ZSWIM6: variants seen among roughly 807,000 people sequenced by gnomAD.
ZSWIM6 encodes the protein zinc finger SWIM-type containing 6, also known as zinc finger SWIM domain-containing protein 6.
A neutral mutation model predicts 113.2 loss-of-function variants in ZSWIM6; 9 were observed. The observed-to-expected ratio is 0.08, with a 90% CI of 0.05 to 0.14. ZSWIM6 has a LOEUF of 0.14. Ranked by LOEUF, ZSWIM6 falls within the 10% of genes least tolerant of loss-of-function variation. ZSWIM6 has a pLI of 1.00. For synonymous variants in ZSWIM6, 611 were observed against 606.5 expected (o/e 1.01, Z -0.11); for missense variants, 1,162 against 1,552.2 (o/e 0.75, Z 4.22).
At chr5:61,518,736 G>A (rs1477564664) in intron 4 of ZSWIM6, among the ~76,000 whole-genome samples, 1 of 152,010 alleles carries the variant, frequency 6.6e-6, no homozygotes, top group Non-Finnish European at 1.5e-5. Context: ...CATTTTGTAG[G>A]TTGCCTGTTC....
At chr5:61,374,383 T>C (rs561075252) in intron 1 of ZSWIM6, among the ~76,000 whole-genome samples, 2 of 152,306 alleles carry the variant, frequency 1.3e-5, no homozygotes, top group African/African-American at 2.4e-5. Flanking sequence ...ATTTTTCATA[T>C]AGCCCTTCTG....
At chr5:61,477,221 C>A (rs1027461005) in intron 2 of ZSWIM6, among the ~76,000 whole-genome samples, 7 of 152,144 alleles carry the variant, frequency 4.6e-5, no homozygotes, top group Non-Finnish European at 1.0e-4. Context: ...GCCTTGACCC[C>A]AACCTAGAAT....
intron 2 of ZSWIM6, among the ~76,000 whole-genome samples, chr5:61,480,311 C>G (rs1443781107): frequency 6.6e-6 from 1 of 152,072 alleles, no homozygotes; most frequent in Non-Finnish European, 1.5e-5. Flanking sequence ...AGAGGAGGGG[C>G]CATAAACCCT....
chr5:61,417,072 G>T (rs1302580789), intron 1 of ZSWIM6, among the ~76,000 whole-genome samples: 1 of 152,136 alleles, frequency 6.6e-6, no homozygotes, highest in African/African-American at 2.4e-5. Flanking sequence ...AACCCGGGAG[G>T]TGGAGGTTGC....
rs536868244 is a variant in ZSWIM6 at position 61,437,315 on chromosome 5, G to A, written c.677-35366G>A. 2.6e-5 allele frequency among the ~76,000 whole-genome samples: 4 copies of A among 152,224 alleles called. No homozygotes were observed. In the East Asian group the frequency reaches 7.7e-4, roughly 29 times the overall value. On this transcript the variant is annotated intron_variant, in intron 1 of 13. Transcript: ENST00000252744. ...CTGAATTTTTAGGCCTCGTGTTTTGGACATGTGAGTACAAGCCAGTGGTAC... is the reference window on the plus strand; with the variant it reads ...CTGAATTTTTAGGCCTCGTGTTTTGAACATGTGAGTACAAGCCAGTGGTAC...
chr5:61,531,285 A>C (rs1269419134), intron 8 of ZSWIM6, among the ~76,000 whole-genome samples, 180 bp from the exon 9 acceptor site: 1 of 152,202 alleles, frequency 6.6e-6, no homozygotes, highest in Non-Finnish European at 1.5e-5. Context: ...TTAATCATTC[A>C]TGGTCATTTT....
chr5:61,346,808 G>A (rs1001967820), intron 1 of ZSWIM6, among the ~76,000 whole-genome samples: 1 of 152,118 alleles, frequency 6.6e-6, no homozygotes, highest in Non-Finnish European at 1.5e-5. Flanking sequence ...TAAATAGCAG[G>A]AAATTCCAAA....
chr5:61,423,653 CTG>C (rs926477313), intron 1 of ZSWIM6, among the ~76,000 whole-genome samples: 2 of 152,128 alleles, frequency 1.3e-5, no homozygotes, highest in Non-Finnish European at 2.9e-5. Context: ...GGTAAGTTCA[CTG>C]TGTTTATTCC....
At chr5:61,431,302 G>A (rs977654729) in intron 1 of ZSWIM6, among the ~76,000 whole-genome samples, 1 of 146,752 alleles carries the variant, frequency 6.8e-6, no homozygotes, top group Non-Finnish European at 1.5e-5. Flanking sequence ...GAATCTGGGA[G>A]GCAGAGGTTG....
intron 7 of ZSWIM6, among the ~76,000 whole-genome samples, chr5:61,527,794 A>G (rs2112271592): frequency 6.6e-6 from 1 of 152,354 alleles, no homozygotes; most frequent in East Asian, 1.9e-4. Flanking sequence ...ATCATATTAT[A>G]CATTTTATGA....
intron 1 of ZSWIM6, among the ~76,000 whole-genome samples, chr5:61,363,824 C>G (rs1745081430): frequency 1.3e-5 from 2 of 150,864 alleles, no homozygotes; most frequent in South Asian, 4.2e-4. Flanking sequence ...TAGTTTGTTT[C>G]CTTCCTTCCT....
intron 1 of ZSWIM6, among the ~76,000 whole-genome samples, chr5:61,337,300 C>CA (rs1051639777): frequency 4.0e-5 from 6 of 151,206 alleles, no homozygotes; most frequent in South Asian, 2.1e-4. Flanking sequence ...AAAACAAAAA[C>CA]AAAAAAAACG....
intron 2 of ZSWIM6, among the ~76,000 whole-genome samples, chr5:61,481,677 T>C (rs1043713805): frequency 4.6e-5 from 7 of 151,950 alleles, no homozygotes; most frequent in Non-Finnish European, 8.8e-5. Context: ...AATCAAGCAG[T>C]AGACAGGGGA....
intron 1 of ZSWIM6, among the ~76,000 whole-genome samples, chr5:61,460,875 ATTAT>A (rs1384532868): frequency 2.0e-5 from 3 of 151,946 alleles, no homozygotes; most frequent in South Asian, 4.1e-4. Flanking sequence ...ATGTTTCTAT[ATTAT>A]TTATTCTATA....
intron 1 of ZSWIM6, among the ~76,000 whole-genome samples, chr5:61,441,075 AGAG>A (rs1746822352): frequency 1.3e-5 from 2 of 152,180 alleles, no homozygotes; most frequent in South Asian, 2.1e-4. Context: ...ACTTACAGAG[AGAG>A]GAGAAGGGGC....
chr5:61,354,812 TTA>T (rs1744865497), intron 1 of ZSWIM6, among the ~76,000 whole-genome samples: 1 of 152,208 alleles, frequency 6.6e-6, no homozygotes, highest in Non-Finnish European at 1.5e-5. Context: ...ATTTTATGAC[TTA>T]TAGTCTGCCT....
chr5:61,483,310 A>G (rs1192687202), intron 2 of ZSWIM6, among the ~76,000 whole-genome samples: 1 of 152,194 alleles, frequency 6.6e-6, no homozygotes, highest in African/African-American at 2.4e-5. Context: ...GAATGGATTA[A>G]TACATTCACC....
intron 1 of ZSWIM6, among the ~76,000 whole-genome samples, chr5:61,335,122 T>C (rs929551956): frequency 2.0e-5 from 3 of 152,098 alleles, no homozygotes; most frequent in African/African-American, 7.2e-5. Context: ...CCTGGGTGAG[T>C]AGTTGTAAAA....
At chr5:61,455,809 C>A (rs1368767428) in intron 1 of ZSWIM6, among the ~76,000 whole-genome samples, 1 of 147,584 alleles carries the variant, frequency 6.8e-6, no homozygotes, top group Non-Finnish European at 1.5e-5. Flanking sequence ...TCCTCCACCC[C>A]CGCCTTCTCT....
Sources: allele counts gnomAD v4.1 joint callset (sites outside exome capture counted in the v4.1 genomes callset), GRCh38; gene constraint gnomAD v4.1.1; transcripts MANE v1.5; gene names NCBI Gene and HGNC (gene_info 2026-07-23, HGNC 2026-07-21).